The following SMYD2 variants were observed in gnomAD, a reference collection of about 807,000 sequenced individuals.
The protein encoded by SMYD2 is SET and MYND domain containing 2.
SMYD2 carries 53 observed loss-of-function variants against 59.1 expected under a neutral mutation model. The ratio of observed to expected loss-of-function variants is 0.90; its 90% CI spans 0.72 to 1.13. SMYD2 has a LOEUF of 1.13. Among genes scored for constraint, SMYD2 ranks in the 50% most tolerant of loss-of-function variants. The pLI is 0.00. For missense variants in SMYD2, 494 were observed against 544.7 expected, an observed-to-expected ratio of 0.91 and a Z score of 0.93; for synonymous variants, 208 against 198.8, an observed-to-expected ratio of 1.05 and a Z score of -0.39.
intron 1 of SMYD2, among the ~76,000 whole-genome samples, chr1:214,295,199 CAG>C (rs1439149318): frequency 6.6e-6 from 1 of 152,164 alleles, no homozygotes; most frequent in East Asian, 1.9e-4. Context: ...AAAGTTAAGA[CAG>C]AGCATTTCCA....
rs1483630379 is a variant in SMYD2 at position 214,281,298 on chromosome 1, C to T, written c.44C>T (p.Pro15Leu). Residue 15 changes from proline to leucine, a missense_variant, in exon 1 of 12, where the codon CCG (proline) becomes CTG (leucine). Transcript: ENST00000366957. ...GGCGGCCTGGAGCGCTTCTGCAGCC[C>T]GGGCAAAGGCCGGGGGCTGCGGGCT... Reference protein sequence around the residue: ...GLGGLERFCSPGKGRGLRALQ... With the variant: ...GLGGLERFCSLGKGRGLRALQ... 2.2e-6 allele frequency: 3 copies of T among 1,356,074 alleles called. No homozygotes were observed. Among genetic ancestry groups the T allele is most frequent in the Non-Finnish European group, 2.9e-6 (3 of 1,045,486 alleles). 84.0% of individuals were successfully genotyped at this position (1,356,074 alleles called of 1,614,324 possible).
chr1:214,308,874 G>C (rs1408290902), intron 2 of SMYD2, among the ~76,000 whole-genome samples: 3 of 152,202 alleles, frequency 2.0e-5, no homozygotes, highest in Non-Finnish European at 4.4e-5. Context: ...AGTGTGCTTG[G>C]GAGAAGTGAG....
At chr1:214,295,044 T>C (rs1289393317) in intron 1 of SMYD2, among the ~76,000 whole-genome samples, 1 of 152,070 alleles carries the variant, frequency 6.6e-6, no homozygotes, top group African/African-American at 2.4e-5. Context: ...GAAGAAGCGG[T>C]GGATATTATT....
rs753542893 is a variant in SMYD2 at position 214,324,640 on chromosome 1, G to T, written c.535-1G>T. 2 of 1,608,722 alleles carry T rather than the reference G, an allele frequency of 1.2e-6. No homozygotes were observed. The highest frequency in any genetic ancestry group is 2.2e-5 in the South Asian group (2 of 89,278). On this transcript the variant is annotated splice_acceptor_variant, in intron 5 of 11. Coordinates refer to ENST00000366957, the MANE Select transcript of SMYD2 (RefSeq NM_020197.3). LOFTEE classifies it high-confidence loss of function. ...TCCTTTCTCCCTTTTTCTTGCTGCA[G>T]GTTAACTGTAATGGCTTCACAATTG...
intron 1 of SMYD2, among the ~76,000 whole-genome samples, chr1:214,286,749 CAAAAAAAAAAA>C (rs5780769): frequency 6.9e-5 from 5 of 72,064 alleles, no homozygotes; most frequent in African/African-American, 2.2e-4. Flanking sequence ...GCCTCCATCT[CAAAAAAAAAAA>C]AAAAAAAAAG....
At chr1:214,302,438 CCTT>C (rs10586698) in intron 1 of SMYD2, among the ~76,000 whole-genome samples, 1,593 of 152,174 alleles carry the variant, frequency 0.01, 33 homozygotes, top group African/African-American at 0.036. Context: ...ACGCCTCACA[CCTT>C]CTGCATTGCA....
intron 2 of SMYD2, among the ~76,000 whole-genome samples, chr1:214,308,621 G>C (rs1308320195): frequency 3.9e-5 from 6 of 152,202 alleles, no homozygotes; most frequent in Admixed American, 3.9e-4. Flanking sequence ...ATGGCCTTCA[G>C]CTGCTAGTAA....
intron 1 of SMYD2, 124 bp from the exon 2 acceptor site, chr1:214,305,061 GGA>G: frequency 1.2e-6 from 1 of 841,150 alleles, no homozygotes; most frequent in Admixed American, 1.9e-5. Flanking sequence ...CTTCTCAGTG[GGA>G]GAGTAAGGTA....
intron 1 of SMYD2, among the ~76,000 whole-genome samples, chr1:214,295,376 C>T (rs958230504): frequency 8.7e-5 from 13 of 149,328 alleles, no homozygotes; most frequent in Admixed American, 6.1e-4. Context: ...TATTTCTCTC[C>T]TATATTCATA....
At chr1:214,305,532 G>A (rs999390626) in intron 2 of SMYD2, among the ~76,000 whole-genome samples, 1 of 152,202 alleles carries the variant, frequency 6.6e-6, no homozygotes, top group African/African-American at 2.4e-5. Context: ...AGCCACAGAC[G>A]GAAAATGCAG....
At chr1:214,287,442 C>A (rs1456832077) in intron 1 of SMYD2, among the ~76,000 whole-genome samples, 1 of 151,912 alleles carries the variant, frequency 6.6e-6, no homozygotes, top group African/African-American at 2.4e-5. Context: ...CAAAAATTAG[C>A]TGGGCATAGT....
intron 11 of SMYD2, among the ~76,000 whole-genome samples, chr1:214,335,346 C>T (rs1657419124): frequency 6.6e-6 from 1 of 152,208 alleles, no homozygotes. Flanking sequence ...GTCACAACTG[C>T]AAAGTGTGTC....
At chr1:214,298,319 A>G (rs1161207242) in intron 1 of SMYD2, among the ~76,000 whole-genome samples, 1 of 152,244 alleles carries the variant, frequency 6.6e-6, no homozygotes, top group African/African-American at 2.4e-5. Flanking sequence ...CTCCCTATTC[A>G]ATAAATGGTG....
intron 3 of SMYD2, among the ~76,000 whole-genome samples, chr1:214,317,335 G>T (rs981112125): frequency 1.3e-5 from 2 of 152,144 alleles, no homozygotes; most frequent in Non-Finnish European, 2.9e-5. Flanking sequence ...TTGTATTCTA[G>T]TAGCTTGCAA....
chr1:214,323,968 C>G (rs971294230), intron 5 of SMYD2, among the ~76,000 whole-genome samples: 2 of 151,844 alleles, frequency 1.3e-5, no homozygotes, highest in African/African-American at 4.8e-5. Flanking sequence ...GCTGTTGTTG[C>G]CCAGGCTGGA....
chr1:214,319,916 ACCTAATGTAC>A (rs1657143045), intron 5 of SMYD2, among the ~76,000 whole-genome samples: 1 of 152,254 alleles, frequency 6.6e-6, no homozygotes, highest in Non-Finnish European at 1.5e-5. Flanking sequence ...AATAAGCATT[ACCTAATGTAC>A]CCTTTGCCCA....
intron 1 of SMYD2, among the ~76,000 whole-genome samples, chr1:214,300,626 C>T (rs898907501): frequency 1.3e-5 from 2 of 152,154 alleles, no homozygotes; most frequent in African/African-American, 2.4e-5. Flanking sequence ...TATCCACTCA[C>T]GTAGAGAGAC....
intron 9 of SMYD2, chr1:214,331,353 A>G (rs1657351136): frequency 2.9e-6 from 1 of 347,532 alleles, no homozygotes; most frequent in Admixed American, 3.9e-5. Context: ...TGCTTTGGGT[A>G]TTTTACTTTG....
chr1:214,328,774 C>T (rs972849331), intron 7 of SMYD2, among the ~76,000 whole-genome samples: 6 of 152,204 alleles, frequency 3.9e-5, no homozygotes, highest in African/African-American at 1.4e-4. Flanking sequence ...GCCCTTCTAC[C>T]TTCAGCTAAA....
Sources: gnomAD v4.1 joint callset for allele counts (sites outside exome capture counted in the v4.1 genomes callset) on GRCh38, gnomAD v4.1.1 for gene constraint, MANE v1.5 for transcripts, NCBI Gene and HGNC (gene_info 2026-07-23, HGNC 2026-07-21) for gene names.